The following ADCY2 variants were observed in gnomAD, a reference collection of about 807,000 sequenced individuals.
ADCY2 encodes adenylate cyclase type 2.
ADCY2 carries 31 observed loss-of-function variants against 125.2 expected under a neutral mutation model. That is an observed-to-expected ratio of 0.25 (90% CI 0.19 to 0.33). The LOEUF (loss-of-function observed/expected upper bound fraction) is 0.33. ADCY2 is among the 10% of genes least tolerant of loss of function. The pLI is 1.00. For missense variants in ADCY2, 904 were observed against 1,418.2 expected (o/e 0.64, Z 5.82); for synonymous variants, 512 against 548.4 (o/e 0.93, Z 0.93).
chr5:7,750,294 G>C (rs565731352), intron 15 of ADCY2, among the ~76,000 whole-genome samples: 3 of 151,826 alleles, frequency 2.0e-5, no homozygotes, highest in Non-Finnish European at 1.5e-5. Flanking sequence ...CCTTAAAACC[G>C]TAACATGTAC....
chr5:7,671,142 T>C (rs990773550), intron 4 of ADCY2, among the ~76,000 whole-genome samples: 4 of 152,258 alleles, frequency 2.6e-5, no homozygotes, highest in Admixed American at 2.6e-4. Flanking sequence ...TGCCTATGTG[T>C]ATTTTAAATC....
chr5:7,424,144 C>T (rs1740305810), intron 2 of ADCY2, among the ~76,000 whole-genome samples: 1 of 152,214 alleles, frequency 6.6e-6, no homozygotes, highest in Non-Finnish European at 1.5e-5. Context: ...CACAGCACCA[C>T]ACACGTAGTG....
At chr5:7,453,262 A>T (rs1382448210) in intron 2 of ADCY2, among the ~76,000 whole-genome samples, 2 of 151,986 alleles carry the variant, frequency 1.3e-5, no homozygotes, top group Non-Finnish European at 2.9e-5. Context: ...GATCCTTCTT[A>T]AGTTTCTTTT....
Position 7,644,598 on chromosome 5 carries a change from C to T in ADCY2, c.720+18282C>T, listed in dbSNP as rs1043615056. ...GTTTCAGATCTATATTTCATTAACA[C>T]CATAAACTCAGAATGTTCAAACACC... On this transcript the variant is annotated intron_variant, in intron 4 of 24. Transcript: ENST00000338316. 2.0e-4 allele frequency among the ~76,000 whole-genome samples: 31 copies of T among 152,126 alleles called. 1 individual carries two copies. The highest frequency in any genetic ancestry group is 5.8e-4 in the East Asian group (3 of 5,194).
chr5:7,526,194 T>C (rs1734452782), intron 3 of ADCY2, among the ~76,000 whole-genome samples: 1 of 152,196 alleles, frequency 6.6e-6, no homozygotes. Context: ...AGCTTTGTCA[T>C]CTTTGGATGA....
At chr5:7,400,006 C>A (rs1739204869) in intron 1 of ADCY2, among the ~76,000 whole-genome samples, 1 of 151,760 alleles carries the variant, frequency 6.6e-6, no homozygotes, top group Non-Finnish European at 1.5e-5. Flanking sequence ...GCATGAAAAC[C>A]CTTTTTCAGA....
intron 12 of ADCY2, among the ~76,000 whole-genome samples, chr5:7,724,242 C>T (rs1560907182): frequency 2.6e-5 from 4 of 151,186 alleles, no homozygotes; most frequent in South Asian, 2.1e-4. Context: ...CTTTAGACGA[C>T]TTATCTCCCT....
At chr5:7,708,778 C>T (rs887444156) in intron 9 of ADCY2, among the ~76,000 whole-genome samples, 3 of 151,844 alleles carry the variant, frequency 2.0e-5, no homozygotes, top group Non-Finnish European at 2.9e-5. Flanking sequence ...AGATGATGGA[C>T]GGGGGAAGGC....
At chr5:7,733,944 A>G (rs781464021) in intron 14 of ADCY2, among the ~76,000 whole-genome samples, 2 of 152,200 alleles carry the variant, frequency 1.3e-5, no homozygotes, top group African/African-American at 4.8e-5. Context: ...TGTAATGGTG[A>G]TGAATATTTA....
chr5:7,690,577 AGGAAAGAATTCC>A, intron 4 of ADCY2, 102 bp from the exon 5 acceptor site: 1 of 941,396 alleles, frequency 1.1e-6, no homozygotes, highest in Non-Finnish European at 1.5e-6. Flanking sequence ...TTTAGCTTCC[AGGAAAGAATTCC>A]CAAACTGGCC....
intron 2 of ADCY2, among the ~76,000 whole-genome samples, chr5:7,441,427 TA>T (rs1431196273): frequency 6.6e-6 from 1 of 152,078 alleles, no homozygotes; most frequent in East Asian, 1.9e-4. Context: ...GTTTTTTTTT[TA>T]AATAATCAGT....
Position 7,727,234 on chromosome 5 carries a change from T to C in ADCY2, c.1844T>C (p.Phe615Ser), listed in dbSNP as rs1241981249. 3.1e-6 allele frequency: 5 copies of C among 1,614,156 alleles called. No individual in the cohort carries two copies. Among genetic ancestry groups the C allele is most frequent in the Non-Finnish European group, 4.2e-6 (5 of 1,179,992 alleles). The stretch of plus-strand genomic sequence containing the variant: ...GCCTGTCTCATATTCTTCTGCATCT[T>C]CATTGTGCAGATTCTCGTGCTGCCA... ...TCACLIFFCI[F>S]IVQILVLPKT... The change falls in exon 14 of 25, where the codon TTC (phenylalanine) becomes TCC (serine). Residue 615 changes from phenylalanine to serine, a missense_variant. Around this residue, in one of 7 missense-constraint regions of ADCY2, gnomAD observed 221 missense variants for 246.2 expected, o/e 0.90. Transcript: ENST00000338316.
At chr5:7,495,099 C>A (rs1201469987) in intron 2 of ADCY2, among the ~76,000 whole-genome samples, 2 of 152,188 alleles carry the variant, frequency 1.3e-5, no homozygotes, top group African/African-American at 2.4e-5. Context: ...CAGGCAAACC[C>A]ATATTTAATA....
At chr5:7,637,326 C>A (rs1738544021) in intron 4 of ADCY2, among the ~76,000 whole-genome samples, 1 of 150,484 alleles carries the variant, frequency 6.6e-6, no homozygotes, top group Non-Finnish European at 1.5e-5. Context: ...AAAAATTAGC[C>A]AGATGTGGTG....
At chr5:7,778,990 T>C (rs963353438) in intron 18 of ADCY2, among the ~76,000 whole-genome samples, 2 of 152,180 alleles carry the variant, frequency 1.3e-5, no homozygotes, top group Non-Finnish European at 2.9e-5. Context: ...ATATTGAAAA[T>C]ATTTTCGATT....
chr5:7,467,756 G>T (rs547464628), intron 2 of ADCY2, among the ~76,000 whole-genome samples: 100 of 152,264 alleles, frequency 6.6e-4, no homozygotes, highest in African/African-American at 2.2e-3. Flanking sequence ...AGAGGATAGG[G>T]CATATGATAA....
At chr5:7,436,775 C>T (rs1026011998) in intron 2 of ADCY2, among the ~76,000 whole-genome samples, 2 of 152,228 alleles carry the variant, frequency 1.3e-5, no homozygotes, top group Non-Finnish European at 2.9e-5. Context: ...CTAAGGATAA[C>T]ATGCCAGGCG....
chr5:7,701,102 T>G (rs1270055711), intron 7 of ADCY2, among the ~76,000 whole-genome samples: 1 of 152,188 alleles, frequency 6.6e-6, no homozygotes. Flanking sequence ...AAAATATATT[T>G]TTTTTTTCAA....
chr5:7,542,248 A>G (rs1018038260), intron 3 of ADCY2, among the ~76,000 whole-genome samples: 1 of 152,204 alleles, frequency 6.6e-6, no homozygotes, highest in Non-Finnish European at 1.5e-5. Context: ...TGTTGAAAGT[A>G]AAATGTTACA....
Sources: allele counts gnomAD v4.1 joint callset (sites outside exome capture counted in the v4.1 genomes callset), GRCh38; gene constraint gnomAD v4.1.1; regional missense constraint gnomAD v4.1.1; transcripts MANE v1.5; gene names NCBI Gene and HGNC (gene_info 2026-07-23, HGNC 2026-07-21).